Variants in PDE4D observed in about 807,000 individuals in gnomAD.
PDE4D encodes 3',5'-cyclic-AMP phosphodiesterase 4D.
In PDE4D, 24 loss-of-function variants were observed where a neutral mutation model predicts 87.4. That is an observed-to-expected ratio of 0.27 (90% CI 0.20 to 0.39). The LOEUF is 0.39. PDE4D is among the 10% of genes least tolerant of loss of function. The pLI is 1.00. For synonymous variants in PDE4D, 384 were observed against 383.2 expected (o/e 1.00, Z -0.02); for missense variants, 714 against 1,041.0 (o/e 0.69, Z 4.32).
intron 1 of PDE4D, among the ~76,000 whole-genome samples, chr5:59,363,870 TAG>T (rs1782618654): frequency 6.6e-6 from 1 of 152,070 alleles, no homozygotes; most frequent in Non-Finnish European, 1.5e-5. Context: ...CTGTGGTAAC[TAG>T]AGAGAGAGGA....
intron 1 of PDE4D, chr5:59,275,686 T>C: frequency 9.0e-7 from 1 of 1,115,876 alleles, no homozygotes; most frequent in Non-Finnish European, 1.1e-6. Flanking sequence ...GGAACTGAAT[T>C]CTGAATTGAT....
At chr5:59,018,152 A>G (rs1754411757) in intron 6 of PDE4D, among the ~76,000 whole-genome samples, 1 of 152,248 alleles carries the variant, frequency 6.6e-6, no homozygotes, top group Non-Finnish European at 1.5e-5. Context: ...CAATCTAATT[A>G]AAACAGCTGC....
At chr5:60,331,212 A>G (rs1757283458) in intron 1 of PDE4D, among the ~76,000 whole-genome samples, 1 of 152,160 alleles carries the variant, frequency 6.6e-6, no homozygotes, top group Non-Finnish European at 1.5e-5. Context: ...GTTTAATCTC[A>G]GCTCAACTTC....
intron 3 of PDE4D, among the ~76,000 whole-genome samples, chr5:59,952,400 C>T (rs1453419151): frequency 6.6e-6 from 1 of 152,198 alleles, no homozygotes; most frequent in Non-Finnish European, 1.5e-5. Flanking sequence ...TCACTTCAAG[C>T]TCTAAGCTTT....
At chr5:60,389,833 T>C (rs564913444) in intron 1 of PDE4D, among the ~76,000 whole-genome samples, 3 of 152,174 alleles carry the variant, frequency 2.0e-5, no homozygotes, top group African/African-American at 4.8e-5. Flanking sequence ...CCCCATCCCA[T>C]TGGTCAAGCA....
chr5:59,803,041 GACA>G lies in PDE4D; in HGVS notation c.455+90124_455+90126del, dbSNP rs373315414. 4.9e-3 allele frequency among the ~76,000 whole-genome samples: 749 copies of G among 152,198 alleles called. 2 individuals are homozygous for G. The highest frequency in any genetic ancestry group is 0.017 in the African/African-American group (722 of 41,516). ...GCTAATGATTTAGGATGGTAAATAC[GACA>G]ACAAGAGTACAATCTCTACCTGGTT... is the stretch of plus-strand genomic sequence containing the variant. On this transcript the variant is annotated intron_variant, in intron 1 of 14. Transcript: ENST00000340635.
At chr5:59,682,509 C>G (rs1749194538) in intron 1 of PDE4D, among the ~76,000 whole-genome samples, 1 of 152,146 alleles carries the variant, frequency 6.6e-6, no homozygotes, top group Non-Finnish European at 1.5e-5. Context: ...TACGTTGCCT[C>G]CAAATTCATA....
At chr5:60,043,754 T>A (rs1391399557) in intron 2 of PDE4D, among the ~76,000 whole-genome samples, 1 of 152,188 alleles carries the variant, frequency 6.6e-6, no homozygotes, top group Non-Finnish European at 1.5e-5. Flanking sequence ...TAGATTTCAG[T>A]TTTTGACCTA....
At chr5:59,574,080 A>C (rs1206091290) in intron 1 of PDE4D, among the ~76,000 whole-genome samples, 1 of 3,132 alleles carries the variant, frequency 3.2e-4, no homozygotes, top group African/African-American at 4.7e-4. Context: ...ATTTATATAT[A>C]TATTTATATA....
intron 1 of PDE4D, among the ~76,000 whole-genome samples, chr5:59,464,462 T>C (rs149799089): frequency 0.032 from 4,854 of 152,340 alleles, 111 homozygotes; most frequent in Non-Finnish European, 0.048. Flanking sequence ...CACTTGATTC[T>C]TTACCTTGTC....
At chr5:60,169,927 C>T (rs1280919905) in intron 2 of PDE4D, among the ~76,000 whole-genome samples, 1 of 151,932 alleles carries the variant, frequency 6.6e-6, no homozygotes, top group South Asian at 2.1e-4. Flanking sequence ...ATTTAGTTTG[C>T]ATTATCGACA....
chr5:59,467,201 C>T (rs910111262), intron 1 of PDE4D, among the ~76,000 whole-genome samples: 3 of 152,168 alleles, frequency 2.0e-5, no homozygotes, highest in East Asian at 1.9e-4. Flanking sequence ...CTACTATTTA[C>T]GCTTGCAGTC....
At position 60,322,377 on chromosome 5, in the gene PDE4D, C is replaced by G. The variant is rs1048279852; in HGVS notation, c.-89-136690G>C. 0.017 allele frequency among the ~76,000 whole-genome samples: 1,567 copies of G among 92,584 alleles called. 43 individuals are homozygous for G. In the East Asian group the frequency reaches 0.19, roughly 11 times the overall value. 60.7% of individuals were successfully genotyped at this position (92,584 alleles called of 152,430 possible). A position where few individuals can be genotyped will look rare whatever the true frequency, so the allele number is the denominator to read the frequency against. ...ATATATGGACACACATACACACACA[C>G]ACACACACACACACACACACACACA... On this transcript the variant is annotated intron_variant, in intron 1 of 16. Transcript: ENST00000502484.
At chr5:59,516,607 T>C (rs1319431217) in intron 1 of PDE4D, among the ~76,000 whole-genome samples, 2 of 152,282 alleles carry the variant, frequency 1.3e-5, no homozygotes, top group Admixed American at 6.5e-5. Context: ...GGAGAAGATA[T>C]TTCCAACACT....
intron 1 of PDE4D, among the ~76,000 whole-genome samples, chr5:60,483,106 A>G (rs1050810044): frequency 6.6e-6 from 1 of 152,210 alleles, no homozygotes; most frequent in Non-Finnish European, 1.5e-5. Context: ...ACTGAATTAA[A>G]TAAGGCTGGA....
chr5:59,603,919 CAA>C (rs942737781), intron 1 of PDE4D, among the ~76,000 whole-genome samples: 1 of 151,858 alleles, frequency 6.6e-6, no homozygotes, highest in Non-Finnish European at 1.5e-5. Context: ...GTTTTCATCA[CAA>C]AAATAACCAT....
chr5:60,441,819 C>T (rs1745237665), intron 1 of PDE4D, among the ~76,000 whole-genome samples: 1 of 152,018 alleles, frequency 6.6e-6, no homozygotes, highest in Non-Finnish European at 1.5e-5. Flanking sequence ...ATTTATGCCC[C>T]CTGCAAACGT....
At chr5:59,285,631 T>C (rs538164089) in intron 1 of PDE4D, among the ~76,000 whole-genome samples, 1 of 152,066 alleles carries the variant, frequency 6.6e-6, no homozygotes, top group Non-Finnish European at 1.5e-5. Flanking sequence ...AAGCGAAAAA[T>C]TTTTTGTTAA....
intron 2 of PDE4D, among the ~76,000 whole-genome samples, chr5:60,022,917 T>C (rs1766224153): frequency 1.3e-5 from 2 of 152,134 alleles, no homozygotes; most frequent in South Asian, 4.1e-4. Flanking sequence ...TCTCCCTCCA[T>C]CCGCATCTCT....
Sources: gnomAD v4.1 joint callset for allele counts (sites outside exome capture counted in the v4.1 genomes callset) on GRCh38, gnomAD v4.1.1 for gene constraint, MANE v1.5 for transcripts, NCBI Gene and HGNC (gene_info 2026-07-23, HGNC 2026-07-21) for gene names.